SLC35F3: variants seen among roughly 807,000 people sequenced by gnomAD.
SLC35F3 encodes the protein putative thiamine transporter SLC35F3.
SLC35F3 carries 25 observed loss-of-function variants against 49.9 expected under a neutral mutation model. The ratio of observed to expected loss-of-function variants is 0.50; its 90% CI spans 0.37 to 0.70. The LOEUF (loss-of-function observed/expected upper bound fraction) is 0.70, where lower values mean the gene tolerates loss of function less well. SLC35F3 is among the 30% of genes least tolerant of loss of function. The pLI, the probability that SLC35F3 is intolerant of heterozygous loss-of-function variation, is 0.00. For synonymous variants in SLC35F3, 275 were observed against 265.4 expected, an observed-to-expected ratio of 1.04 and a Z score of -0.35; for missense variants, 525 against 639.8, an observed-to-expected ratio of 0.82 and a Z score of 1.94.
At chr1:233,926,721 T>G (rs188004441) in intron 2 of SLC35F3, among the ~76,000 whole-genome samples, 1 of 152,210 alleles carries the variant, frequency 6.6e-6, no homozygotes, top group Non-Finnish European at 1.5e-5. Context: ...GGTGCTCTGA[T>G]TTTTAGAATT....
intron 2 of SLC35F3, among the ~76,000 whole-genome samples, chr1:234,039,543 C>T (rs1291581925): frequency 3.9e-5 from 6 of 152,154 alleles, no homozygotes; most frequent in Non-Finnish European, 4.4e-5. Context: ...AGGGAGGGCA[C>T]GGCTCCCAGA....
intron 1 of SLC35F3, 37 bp downstream of exon 1, chr1:233,905,167 G>A (rs374640517): frequency 1.1e-4 from 170 of 1,548,960 alleles, no homozygotes; most frequent in Middle Eastern, 3.4e-4. Context: ...GCGAGCCGGC[G>A]GGCGGGAGGC....
intron 3 of SLC35F3, among the ~76,000 whole-genome samples, chr1:234,242,422 G>T (rs1470107613): frequency 2.0e-5 from 3 of 152,228 alleles, no homozygotes; most frequent in African/African-American, 7.2e-5. Flanking sequence ...CCAGCTGTGA[G>T]TGGGTTCACT....
intron 3 of SLC35F3, among the ~76,000 whole-genome samples, chr1:234,239,886 G>A (rs776899066): frequency 6.6e-6 from 1 of 152,214 alleles, no homozygotes; most frequent in Non-Finnish European, 1.5e-5. Context: ...AAAAAATGGA[G>A]ACTTTAATTC....
At chr1:234,321,461 C>A (rs966882567) in intron 7 of SLC35F3, among the ~76,000 whole-genome samples, 1 of 152,200 alleles carries the variant, frequency 6.6e-6, no homozygotes, top group Non-Finnish European at 1.5e-5. Flanking sequence ...TCCTGGACAG[C>A]TGGTAAAAAA....
intron 3 of SLC35F3, among the ~76,000 whole-genome samples, chr1:234,255,039 G>T (rs1572118016): frequency 6.6e-6 from 1 of 152,176 alleles, no homozygotes; most frequent in Non-Finnish European, 1.5e-5. Context: ...AATTAAAAAT[G>T]TCTGCTCTGT....
intron 2 of SLC35F3, among the ~76,000 whole-genome samples, chr1:233,938,804 G>A (rs564792156): frequency 1.4e-4 from 22 of 152,174 alleles, no homozygotes; most frequent in Middle Eastern, 3.4e-3. Flanking sequence ...CTGAATGATC[G>A]GAAAGGAAAG....
At chr1:233,931,579 A>C (rs1662243385) in intron 2 of SLC35F3, among the ~76,000 whole-genome samples, 1 of 152,256 alleles carries the variant, frequency 6.6e-6, no homozygotes, top group Non-Finnish European at 1.5e-5. Flanking sequence ...AATGCAAATC[A>C]AAACCACAAG....
chr1:233,958,789 A>C (rs1423286622), intron 2 of SLC35F3, among the ~76,000 whole-genome samples: 3 of 152,262 alleles, frequency 2.0e-5, no homozygotes, highest in Non-Finnish European at 4.4e-5. Context: ...ATTAGTTCCA[A>C]GTTACATAAT....
intron 2 of SLC35F3, among the ~76,000 whole-genome samples, chr1:234,015,954 G>A (rs1053317004): frequency 6.6e-6 from 1 of 152,136 alleles, no homozygotes; most frequent in South Asian, 2.1e-4. Context: ...GAACTCAATA[G>A]CAAGAAAACA....
At chr1:234,109,395 T>C (rs1024023030) in intron 2 of SLC35F3, among the ~76,000 whole-genome samples, 20 of 152,196 alleles carry the variant, frequency 1.3e-4, no homozygotes, top group Middle Eastern at 3.4e-3. Context: ...AAGAGGCACA[T>C]GAAAGAAGGT....
chr1:234,252,148 A>T (rs1667747722), intron 3 of SLC35F3, among the ~76,000 whole-genome samples: 1 of 151,950 alleles, frequency 6.6e-6, no homozygotes, highest in Non-Finnish European at 1.5e-5. Context: ...CAGCTCACTG[A>T]AACCTCTGCG....
At chr1:233,982,685 A>G (rs1196826455) in intron 2 of SLC35F3, among the ~76,000 whole-genome samples, 1 of 152,130 alleles carries the variant, frequency 6.6e-6, no homozygotes, top group Non-Finnish European at 1.5e-5. Flanking sequence ...CTTTTGTCAG[A>G]TACCCACATC....
intron 2 of SLC35F3, among the ~76,000 whole-genome samples, chr1:234,005,608 A>G (rs753209566): frequency 4.6e-5 from 7 of 152,306 alleles, no homozygotes; most frequent in Non-Finnish European, 1.0e-4. Context: ...TCTGTGGGGG[A>G]TGACTGTTTG....
rs141368581 is a variant in SLC35F3, at chr1:234,186,416, G to A, written c.284-45001G>A. On this transcript the variant is annotated intron_variant, in intron 2 of 7. Coordinates refer to ENST00000366618, the MANE Select transcript of SLC35F3 (RefSeq NM_173508.4). ...ACTGATGCCAAATTTCAGTGGATGC[G>A]TAGCAAACCCTGAGCAAAGGGCTGA... 4.8e-4 allele frequency among the ~76,000 whole-genome samples: 73 copies of A among 152,324 alleles called. 1 individual carries two copies. In the East Asian group the frequency reaches 0.012, roughly 25 times the overall value.
At chr1:233,963,352 G>A (rs1389197006) in intron 2 of SLC35F3, among the ~76,000 whole-genome samples, 2 of 150,538 alleles carry the variant, frequency 1.3e-5, no homozygotes, top group Non-Finnish European at 2.9e-5. Flanking sequence ...CCAGACTGGA[G>A]TGCAGTGGTG....
intron 2 of SLC35F3, among the ~76,000 whole-genome samples, chr1:233,944,040 G>T (rs1395055933): frequency 1.3e-5 from 2 of 152,188 alleles, no homozygotes; most frequent in Non-Finnish European, 2.9e-5. Context: ...AGCTAAGTCA[G>T]TGTTAAGAGG....
chr1:234,316,501 C>A (rs531497487), intron 4 of SLC35F3, 101 bp from the exon 5 acceptor site: 2 of 1,432,462 alleles, frequency 1.4e-6, no homozygotes, highest in South Asian at 2.8e-5. Flanking sequence ...TTTCCCCTCA[C>A]GTGGCTGAAC....
chr1:233,985,012 G>T (rs1452254386), intron 2 of SLC35F3, among the ~76,000 whole-genome samples: 1 of 141,586 alleles, frequency 7.1e-6, no homozygotes, highest in African/African-American at 2.5e-5. Context: ...TCATGCAGGG[G>T]TTGGGGGGGT....
Sources: allele counts gnomAD v4.1 joint callset (sites outside exome capture counted in the v4.1 genomes callset), GRCh38; gene constraint gnomAD v4.1.1; transcripts MANE v1.5; gene names NCBI Gene and HGNC (gene_info 2026-07-23, HGNC 2026-07-21).